Variants in STAC observed in about 807,000 individuals in gnomAD.
STAC encodes SH3 and cysteine rich domain, also known as SH3 and cysteine-rich domain-containing protein.
Under a neutral mutation model 48.8 loss-of-function variants are expected in STAC, and 43 were observed. That is an observed-to-expected ratio of 0.88 (90% CI 0.69 to 1.14). The LOEUF (loss-of-function observed/expected upper bound fraction) is 1.14, where lower values mean the gene tolerates loss of function less well. Ranked by LOEUF, STAC falls within the 50% of genes most tolerant of loss-of-function variation. STAC has a pLI of 0.00. For synonymous variants in STAC, 193 were observed against 179.5 expected, an observed-to-expected ratio of 1.07 and a Z score of -0.60; for missense variants, 497 against 504.0, an observed-to-expected ratio of 0.99 and a Z score of 0.13.
At chr3:36,405,765 G>A (rs896619946) in intron 1 of STAC, among the ~76,000 whole-genome samples, 2 of 152,148 alleles carry the variant, frequency 1.3e-5, no homozygotes, top group African/African-American at 4.8e-5. Context: ...CTGTCATCCA[G>A]GTTGGAGTGC....
chr3:36,403,419 A>G (rs1416792280), intron 1 of STAC, among the ~76,000 whole-genome samples: 1 of 151,916 alleles, frequency 6.6e-6, no homozygotes, highest in African/African-American at 2.4e-5. Context: ...TTAATTCTCA[A>G]TTTTCTTCTA....
intron 5 of STAC, among the ~76,000 whole-genome samples, chr3:36,491,016 C>T (rs548778334): frequency 6.6e-6 from 1 of 152,248 alleles, no homozygotes; most frequent in South Asian, 2.1e-4. Flanking sequence ...CCAAATTGTA[C>T]TTAAAGATCT....
intron 1 of STAC, among the ~76,000 whole-genome samples, chr3:36,399,659 C>G (rs1003159052): frequency 1.3e-5 from 2 of 151,970 alleles, no homozygotes; most frequent in Admixed American, 1.3e-4. Context: ...TGATCTTGTC[C>G]CCTCATATGG....
At position 36,442,153 on chromosome 3, in the gene STAC, T is replaced by C. The variant is rs541721219; in HGVS notation, c.112-1211T>C. On this transcript the variant is annotated intron_variant, in intron 1 of 10. Coordinates refer to ENST00000273183, the MANE Select transcript of STAC (RefSeq NM_003149.3). The stretch of plus-strand genomic sequence containing the variant: ...GATCATAAGAGAGACTGGTCCATCA[T>C]TGCATTGCAGTTCTAGAAACTAAAA... 2.0e-5 allele frequency among the ~76,000 whole-genome samples: 3 copies of C among 152,320 alleles called. No homozygotes were observed. The East Asian group carries it at 5.8e-4, about 29-fold the overall frequency.
At chr3:36,483,887 G>A (rs1697726754) in intron 3 of STAC, among the ~76,000 whole-genome samples, 1 of 152,158 alleles carries the variant, frequency 6.6e-6, no homozygotes. Flanking sequence ...GAAGGCAGAG[G>A]TTTCAGTAAG....
intron 8 of STAC, among the ~76,000 whole-genome samples, chr3:36,511,417 C>A (rs1460278559): frequency 6.6e-6 from 1 of 152,164 alleles, no homozygotes; most frequent in Non-Finnish European, 1.5e-5. Context: ...AAGACTTCTG[C>A]TTCCATGCAT....
chr3:36,539,646 C>A (rs545919786), intron 10 of STAC, among the ~76,000 whole-genome samples: 2 of 152,216 alleles, frequency 1.3e-5, no homozygotes, highest in African/African-American at 4.8e-5. Context: ...TAGGTTGAAT[C>A]TATGCCTTTG....
intron 6 of STAC, among the ~76,000 whole-genome samples, chr3:36,500,473 T>A (rs992210124): frequency 6.6e-6 from 1 of 151,908 alleles, no homozygotes. Context: ...GGGAGAGTAT[T>A]AGGAAAAATA....
chr3:36,541,958 G>T (rs1379871058), intron 10 of STAC, among the ~76,000 whole-genome samples: 2 of 152,056 alleles, frequency 1.3e-5, no homozygotes, highest in Non-Finnish European at 2.9e-5. Context: ...AAGAAAATTT[G>T]TCCAGCTTTC....
intron 2 of STAC, chr3:36,459,400 G>C (rs1175948954): frequency 6.6e-6 from 1 of 152,126 alleles, no homozygotes; most frequent in African/African-American, 2.4e-5. Flanking sequence ...GGATGAATAG[G>C]AGTTAATGAC....
chr3:36,423,676 CT>C (rs1700497934), intron 1 of STAC, among the ~76,000 whole-genome samples: 2 of 151,820 alleles, frequency 1.3e-5, no homozygotes, highest in Admixed American at 1.3e-4. Context: ...CGATAAGTTT[CT>C]TTTTTTGTAC....
intron 10 of STAC, among the ~76,000 whole-genome samples, chr3:36,545,714 C>T (rs181924016): frequency 3.9e-4 from 59 of 152,222 alleles, no homozygotes; most frequent in African/African-American, 1.4e-3. Context: ...TGCTTGAGGC[C>T]AGGAGTGAAA....
At chr3:36,451,424 T>C (rs527384773) in intron 2 of STAC, among the ~76,000 whole-genome samples, 1 of 152,262 alleles carries the variant, frequency 6.6e-6, no homozygotes, top group Non-Finnish European at 1.5e-5. Context: ...TAAAAATCAA[T>C]TCAGATTTTT....
At chr3:36,534,560 A>T (rs1699152154) in intron 10 of STAC, among the ~76,000 whole-genome samples, 1 of 151,988 alleles carries the variant, frequency 6.6e-6, no homozygotes. Context: ...TTCTGGGGTT[A>T]ATCTGTCTCA....
At chr3:36,522,156 T>C (rs1698823752) in intron 8 of STAC, among the ~76,000 whole-genome samples, 1 of 152,194 alleles carries the variant, frequency 6.6e-6, no homozygotes. Context: ...ATGCATAATA[T>C]ATAAGTATAT....
At chr3:36,512,276 A>C (rs547373703) in intron 8 of STAC, among the ~76,000 whole-genome samples, 1 of 152,258 alleles carries the variant, frequency 6.6e-6, no homozygotes, top group African/African-American at 2.4e-5. Flanking sequence ...TCTGTTACAG[A>C]CATGACAAGC....
intron 6 of STAC, 63 bp from the exon 7 acceptor site, chr3:36,504,330 A>G: frequency 7.0e-7 from 1 of 1,427,992 alleles, no homozygotes. Context: ...GCCATCTTTC[A>G]GGAATATTTG....
chr3:36,440,395 C>CT (rs113417661), intron 1 of STAC, among the ~76,000 whole-genome samples: 2,301 of 152,264 alleles, frequency 0.015, 30 homozygotes, highest in African/African-American at 0.022. Flanking sequence ...TACTTCTGGT[C>CT]CATCTAGACT....
intron 1 of STAC, among the ~76,000 whole-genome samples, chr3:36,419,659 C>A (rs1700403459): frequency 6.6e-6 from 1 of 151,840 alleles, no homozygotes; most frequent in South Asian, 2.1e-4. Context: ...TTTTGGACCA[C>A]CCTCAGAGCA....
Sources: gnomAD v4.1 joint callset for allele counts (sites outside exome capture counted in the v4.1 genomes callset) on GRCh38, gnomAD v4.1.1 for gene constraint, MANE v1.5 for transcripts, NCBI Gene and HGNC (gene_info 2026-07-23, HGNC 2026-07-21) for gene names.